Variants in PREX2 observed in about 807,000 individuals in gnomAD.
PREX2 encodes phosphatidylinositol-3,4,5-trisphosphate dependent Rac exchange factor 2, also known as phosphatidylinositol 3,4,5-trisphosphate-dependent Rac exchanger 2 protein.
PREX2 carries 107 observed loss-of-function variants against 203.2 expected under a neutral mutation model. That is an observed-to-expected ratio of 0.53 (90% CI 0.45 to 0.62). PREX2 has a LOEUF of 0.62. Among genes scored for constraint, PREX2 ranks in the 20% least tolerant of loss-of-function variants. The pLI, the probability that PREX2 is intolerant of heterozygous loss-of-function variation, is 0.00. For synonymous variants in PREX2, 672 were observed against 663.6 expected, an observed-to-expected ratio of 1.01 and a Z score of -0.19; for missense variants, 1,777 against 1,955.9, an observed-to-expected ratio of 0.91 and a Z score of 1.72.
At chr8:68,192,754 T>C in intron 37 of PREX2, 1 of 406,036 alleles carries the variant, frequency 2.5e-6, no homozygotes, top group Non-Finnish European at 4.4e-6. Context: ...CCCAAAATCT[T>C]ATCATAGTTG....
intron 1 of PREX2, among the ~76,000 whole-genome samples, chr8:67,993,400 C>G (rs1405101973): frequency 1.8e-5 from 2 of 108,228 alleles, no homozygotes; most frequent in South Asian, 6.7e-4. Flanking sequence ...TTACTTCAGT[C>G]TTTTTTTTTT....
At chr8:68,183,630 C>A (rs1812132155) in intron 35 of PREX2, among the ~76,000 whole-genome samples, 1 of 151,942 alleles carries the variant, frequency 6.6e-6, no homozygotes, top group Admixed American at 6.6e-5. Context: ...TTAGCAGAAT[C>A]ATAAAAAAGA....
At chr8:68,124,595 A>C (rs2129613194) in intron 30 of PREX2, among the ~76,000 whole-genome samples, 1 of 152,228 alleles carries the variant, frequency 6.6e-6, no homozygotes, top group Middle Eastern at 3.4e-3. Flanking sequence ...CCATGACACA[A>C]GTGTACCTAT....
At chr8:68,080,347 A>T in intron 15 of PREX2, 96 bp from the exon 16 acceptor site, 4 of 1,069,926 alleles carry the variant, frequency 3.7e-6, no homozygotes, top group South Asian at 1.4e-5. Flanking sequence ...AGTTGAGGTT[A>T]TGGGTGCAGG....
At chr8:67,999,473 C>CCAACCAAAAAAAAAAAAAAAAAAAA (rs1220714969) in intron 1 of PREX2, among the ~76,000 whole-genome samples, 1 of 23,024 alleles carries the variant, frequency 4.3e-5, no homozygotes, top group African/African-American at 1.2e-4. Context: ...AAATAGCCAA[C>CCAACCAAAAAAAAAAAAAAAAAAAA]AAACCAAAAA....
chr8:68,105,068 A>G (rs1810367446), intron 23 of PREX2: 2 of 1,220,424 alleles, frequency 1.6e-6, no homozygotes, highest in Admixed American at 2.0e-5. Flanking sequence ...TTACAGGGCC[A>G]TTTGCACAAT....
chr8:68,110,783 T>A (rs1810518835), intron 25 of PREX2: 1 of 206,290 alleles, frequency 4.8e-6, no homozygotes, highest in African/African-American at 2.4e-5. Flanking sequence ...TCACATTAGA[T>A]GCATCATATT....
chr8:68,181,699 T>C (rs1324789134), intron 35 of PREX2, among the ~76,000 whole-genome samples: 2 of 152,162 alleles, frequency 1.3e-5, no homozygotes, highest in East Asian at 3.8e-4. Context: ...TTTTTTGATA[T>C]GAAATCTTAC....
At chr8:67,990,497 G>GT (rs34722724) in intron 1 of PREX2, among the ~76,000 whole-genome samples, 146 of 143,314 alleles carry the variant, frequency 1.0e-3, no homozygotes, top group East Asian at 2.5e-3. Context: ...CTCCCAGGTG[G>GT]TTTTTTTTTT....
At chr8:67,971,822 A>G (rs150796799) in intron 1 of PREX2, among the ~76,000 whole-genome samples, 3 of 152,356 alleles carry the variant, frequency 2.0e-5, no homozygotes, top group African/African-American at 7.2e-5. Flanking sequence ...GAGCAAGGCA[A>G]TAAGACAACA....
intron 10 of PREX2, among the ~76,000 whole-genome samples, chr8:68,059,603 G>A (rs1379260169): frequency 6.6e-6 from 1 of 152,208 alleles, no homozygotes; most frequent in African/African-American, 2.4e-5. Context: ...TATAACAAAT[G>A]AACATATACT....
At chr8:68,194,050 A>G (rs1305067885) in intron 37 of PREX2, among the ~76,000 whole-genome samples, 1 of 152,220 alleles carries the variant, frequency 6.6e-6, no homozygotes, top group Non-Finnish European at 1.5e-5. Flanking sequence ...TTAATTGAAA[A>G]TATCATCTGT....
intron 1 of PREX2, among the ~76,000 whole-genome samples, chr8:67,975,062 C>T (rs9886637): frequency 6.6e-6 from 1 of 152,030 alleles, no homozygotes; most frequent in Non-Finnish European, 1.5e-5. Flanking sequence ...CTTTATTATT[C>T]TTCTTCTCAA....
intron 1 of PREX2, among the ~76,000 whole-genome samples, chr8:67,997,103 C>G (rs977997580): frequency 6.6e-6 from 1 of 151,928 alleles, no homozygotes; most frequent in Admixed American, 6.6e-5. Flanking sequence ...ATTGCTATGC[C>G]CATTGTGTTT....
chr8:68,133,235 C>G lies in PREX2; in HGVS notation c.3767-824C>G, dbSNP rs563574080. Among the ~76,000 whole-genome samples the G allele has an allele frequency of 2.0e-5, 3 of 152,248 alleles. No homozygotes were observed. The East Asian group carries it at 5.8e-4, about 29-fold the overall frequency. ...GAAAATTCACTCACTATCACAAGAA[C>G]AGCATGGGAGAAACCACCCCCATAA... On this transcript the variant is annotated intron_variant, in intron 31 of 39. Transcript: ENST00000288368.
rs372345316 is a variant in PREX2 at position 68,146,302 on chromosome 8, G to A, written c.4181G>A (p.Arg1394Gln). The A allele has an allele frequency of 1.8e-5, 29 of 1,612,518 alleles. No individual in the cohort carries two copies. The highest frequency in any genetic ancestry group is 3.3e-5 in the Admixed American group (2 of 59,892). ...TATCATTTTGAACAACTTCCTCAACGGCTGAAAAATGGAGGAGGGTTTAAA... is the reference window on the plus strand; with the variant it reads ...TATCATTTTGAACAACTTCCTCAACAGCTGAAAAATGGAGGAGGGTTTAAA... The part of the protein sequence containing the change: ...DSYHFEQLPQ[R>Q]LKNGGGFKIH... The change falls in exon 34 of 40, where the codon CGG (arginine) becomes CAG (glutamine). Residue 1394 changes from arginine to glutamine, a missense_variant. Coordinates refer to ENST00000288368, the MANE Select transcript of PREX2 (RefSeq NM_024870.4).
chr8:68,051,916 T>C (rs555605004), intron 8 of PREX2, among the ~76,000 whole-genome samples: 4 of 152,220 alleles, frequency 2.6e-5, no homozygotes, highest in African/African-American at 9.6e-5. Context: ...CTTTAAAGAC[T>C]CCACAACTGA....
At chr8:68,134,359 C>T (rs1191229943) in intron 32 of PREX2, 83 bp downstream of exon 32, 3 of 1,113,278 alleles carry the variant, frequency 2.7e-6, no homozygotes, top group East Asian at 4.7e-5. Flanking sequence ...GTAGTTATTT[C>T]TTTCCCGCTG....
At chr8:68,135,342 T>G (rs994860316) in intron 32 of PREX2, among the ~76,000 whole-genome samples, 19 of 152,032 alleles carry the variant, frequency 1.2e-4, no homozygotes, top group African/African-American at 4.1e-4. Context: ...ATTTGATGAG[T>G]GACATATGCA....
Sources: gnomAD v4.1 joint callset for allele counts (sites outside exome capture counted in the v4.1 genomes callset) on GRCh38, gnomAD v4.1.1 for gene constraint, MANE v1.5 for transcripts, NCBI Gene and HGNC (gene_info 2026-07-23, HGNC 2026-07-21) for gene names.